Variants in SNW1 observed in about 807,000 individuals in gnomAD.
SNW1 encodes SNW domain-containing protein 1.
A neutral mutation model predicts 75.6 loss-of-function variants in SNW1; 9 were observed. The ratio of observed to expected loss-of-function variants is 0.12; its 90% CI spans 0.07 to 0.21. SNW1 has a LOEUF of 0.21. SNW1 is among the 10% of genes least tolerant of loss of function. SNW1 has a pLI of 1.00. For missense variants in SNW1, 409 were observed against 670.9 expected (o/e 0.61, Z 4.31); for synonymous variants, 200 against 219.1 (o/e 0.91, Z 0.77).
At chr14:77,750,412 G>A (rs1456111329) in intron 3 of SNW1, among the ~76,000 whole-genome samples, 1 of 152,156 alleles carries the variant, frequency 6.6e-6, no homozygotes. Flanking sequence ...TTAAAGTTTG[G>A]TGGGAGTACC....
At chr14:77,753,868 G>A (rs541454922) in intron 2 of SNW1, among the ~76,000 whole-genome samples, 7 of 151,608 alleles carry the variant, frequency 4.6e-5, no homozygotes, top group South Asian at 4.2e-4. Context: ...CAGGAGAATC[G>A]CTTGAACCCA....
chr14:77,744,120 A>C (rs1483083453), intron 3 of SNW1, among the ~76,000 whole-genome samples: 1 of 142,128 alleles, frequency 7.0e-6, no homozygotes, highest in Non-Finnish European at 1.5e-5. Flanking sequence ...TGGGTGACAG[A>C]GTGAGACTCC....
chr14:77,731,340 A>G (rs1400710197), intron 9 of SNW1, among the ~76,000 whole-genome samples: 2 of 152,252 alleles, frequency 1.3e-5, no homozygotes, highest in Non-Finnish European at 2.9e-5. Context: ...TATTTTAGTG[A>G]TTGAAACTAT....
chr14:77,724,757 A>G (rs953420992), intron 10 of SNW1, among the ~76,000 whole-genome samples: 3 of 152,188 alleles, frequency 2.0e-5, no homozygotes, highest in Non-Finnish European at 2.9e-5. Flanking sequence ...CACCCACTGG[A>G]CACAACTTGA....
At chr14:77,750,869 A>G (rs1482700218) in intron 3 of SNW1, among the ~76,000 whole-genome samples, 4 of 152,180 alleles carry the variant, frequency 2.6e-5, no homozygotes, top group African/African-American at 9.7e-5. Flanking sequence ...TACTCAAATA[A>G]ACTATTAAAT....
intron 11 of SNW1, chr14:77,722,566 C>T (rs745703173): frequency 2.3e-6 from 1 of 429,658 alleles, no homozygotes; most frequent in Non-Finnish European, 4.6e-6. Context: ...CTATAACAGT[C>T]CAAATTTACT....
chr14:77,733,742 CAAAAAAAAAAAAA>C (rs35483765), intron 8 of SNW1, among the ~76,000 whole-genome samples: 1 of 64,852 alleles, frequency 1.5e-5, no homozygotes, highest in Non-Finnish European at 2.7e-5. Context: ...GAGACCGTCT[CAAAAAAAAAAAAA>C]AAAAAAAAAA....
rs943932056 is a variant in SNW1, at chr14:77,737,084, A to G, written c.534-9T>C. On this transcript the variant is annotated splice_polypyrimidine_tract_variant and intron_variant, in intron 5 of 13. Transcript: ENST00000261531. The stretch of plus-strand genomic sequence containing the variant: ...GCTGAGATGGTGTGTATCTGAAGAA[A>G]GCAGATAAAAACTAAAGGTGTAATT... The G allele has an allele frequency of 6.3e-7, 1 of 1,597,348 alleles. No individual in the cohort carries two copies. The highest frequency in any genetic ancestry group is 8.6e-7 in the Non-Finnish European group (1 of 1,165,408).
At chr14:77,743,161 G>T (rs1031389760) in intron 3 of SNW1, among the ~76,000 whole-genome samples, 1 of 151,536 alleles carries the variant, frequency 6.6e-6, no homozygotes, top group African/African-American at 2.4e-5. Context: ...GGAGGCAGAG[G>T]TTGCGGTGAG....
intron 1 of SNW1, 78 bp from the exon 2 acceptor site, chr14:77,755,198 G>A (rs768162206): frequency 9.9e-6 from 13 of 1,314,328 alleles, no homozygotes; most frequent in African/African-American, 1.5e-5. Context: ...TGGCCACAGA[G>A]ACAATTTTTC....
In SNW1 at chr14:77,751,567, TCCTTAGTATG is replaced by T. The variant is rs576949533; in HGVS notation, c.169-97_169-88del. ...ATTCATTCAACAAGTAATTGTTGAG[TCCTTAGTATG>T]CTAGATGCTAGAGATACAGCAGAGT... is the stretch of plus-strand genomic sequence containing the variant. On this transcript the variant is annotated intron_variant, in intron 2 of 13. Coordinates refer to ENST00000261531, the MANE Select transcript of SNW1 (RefSeq NM_012245.3). The T allele has an allele frequency of 3.7e-5, 39 of 1,064,770 alleles. No individual in the cohort carries two copies. The African/African-American group carries it at 5.3e-4, about 15-fold the overall frequency. The allele number at this position is 1,064,770 out of a possible 1,614,324, so 66.0% of individuals were successfully genotyped here.
At chr14:77,760,871 G>A (rs1296017721) in intron 1 of SNW1, 7 of 835,790 alleles carry the variant, frequency 8.4e-6, no homozygotes, top group Admixed American at 2.0e-5. Context: ...TTCAGTGTCT[G>A]AGACCACTCC....
At chr14:77,747,464 G>C (rs1176859905) in intron 3 of SNW1, among the ~76,000 whole-genome samples, 1 of 151,942 alleles carries the variant, frequency 6.6e-6, no homozygotes, top group East Asian at 1.9e-4. Context: ...TCCCGTCTAG[G>C]AAGTGAGGAG....
chr14:77,761,100 A>G lies in SNW1; in HGVS notation c.14+14T>C. 1 of 1,614,238 alleles carries G rather than the reference A, an allele frequency of 6.2e-7. No individual in the cohort carries two copies. The highest frequency in any genetic ancestry group is 1.1e-5 in the South Asian group (1 of 91,090). On this transcript the variant is annotated intron_variant, in intron 1 of 13. Transcript: ENST00000261531. Reference sequence around the variant, plus strand: ...CAGACCCTTCCGTATCGAGGACCCCAATCAACAACCCACCTGGTGAGCGCC... The same window carrying G: ...CAGACCCTTCCGTATCGAGGACCCCGATCAACAACCCACCTGGTGAGCGCC...
chr14:77,735,912 T>A, intron 7 of SNW1, 25 bp downstream of exon 7: 2 of 1,596,896 alleles, frequency 1.3e-6, no homozygotes, highest in Non-Finnish European at 1.7e-6. Flanking sequence ...TAGAAAAAAA[T>A]ATTTTGGACT....
At chr14:77,740,757 T>A (rs1259150255) in intron 3 of SNW1, among the ~76,000 whole-genome samples, 1 of 152,162 alleles carries the variant, frequency 6.6e-6, no homozygotes. Flanking sequence ...GTTCACAGCA[T>A]GAAATTATCT....
intron 10 of SNW1, 191 bp downstream of exon 10, chr14:77,730,797 C>T (rs373120324): frequency 3.5e-6 from 2 of 568,460 alleles, no homozygotes; most frequent in Non-Finnish European, 6.0e-6. Context: ...AACTGAAGAC[C>T]CACTTTTTTC....
chr14:77,723,046 A>C (rs1292925840), intron 11 of SNW1, 135 bp downstream of exon 11: 1 of 694,098 alleles, frequency 1.4e-6, no homozygotes, highest in Non-Finnish European at 2.6e-6. Flanking sequence ...ACAGGGTTTC[A>C]TCGTGTTAGC....
chr14:77,745,960 G>C (rs1185014557), intron 3 of SNW1, among the ~76,000 whole-genome samples: 1 of 152,092 alleles, frequency 6.6e-6, no homozygotes, highest in Non-Finnish European at 1.5e-5. Flanking sequence ...GGAGTTCAAG[G>C]CTGCAGCGAG....
Sources: allele counts gnomAD v4.1 joint callset (sites outside exome capture counted in the v4.1 genomes callset), GRCh38; gene constraint gnomAD v4.1.1; transcripts MANE v1.5; gene names NCBI Gene and HGNC (gene_info 2026-07-23, HGNC 2026-07-21).